The following BCAT1 variants were observed in gnomAD, a reference collection of about 807,000 sequenced individuals.
BCAT1 encodes branched chain amino acid transaminase 1.
In BCAT1, 48 loss-of-function variants were observed where a neutral mutation model predicts 52.4. The ratio of observed to expected loss-of-function variants is 0.92; its 90% CI spans 0.73 to 1.16. BCAT1 has a LOEUF of 1.16. Ranked by LOEUF, BCAT1 falls within the 50% of genes most tolerant of loss-of-function variation. The pLI is 0.00. For missense variants in BCAT1, 451 were observed against 457.1 expected (o/e 0.99, Z 0.12); for synonymous variants, 167 against 161.3 (o/e 1.04, Z -0.27).
rs978766768 is a variant in BCAT1, at chr12:24,813,809, C to G, written c.*4199G>C. 1 of 152,078 alleles carries G rather than the reference C, an allele frequency of 6.6e-6. No homozygotes were observed. The highest frequency in any genetic ancestry group is 1.5e-5 in the Non-Finnish European group (1 of 67,940). 9.4% of individuals were successfully genotyped at this position (152,078 alleles called of 1,614,324 possible). A position where few individuals can be genotyped will look rare whatever the true frequency, so the allele number is the denominator to read the frequency against. ...TTGATAAGAGATGTGTTCTGGCCTT[C>G]TTTGCTTATGATCTAACTATTCAGC... On this transcript the variant is annotated 3_prime_UTR_variant, in exon 11 of 11. Transcript: ENST00000261192.
At chr12:24,914,269 G>A (rs1370926652) in intron 1 of BCAT1, among the ~76,000 whole-genome samples, 1 of 151,986 alleles carries the variant, frequency 6.6e-6, no homozygotes, top group African/African-American at 2.4e-5. Flanking sequence ...TTTTGGTAGA[G>A]ACAGGGTTTC....
intron 1 of BCAT1, among the ~76,000 whole-genome samples, chr12:24,933,921 GGC>G (rs1943716036): frequency 6.6e-6 from 1 of 152,088 alleles, no homozygotes; most frequent in South Asian, 2.1e-4. Flanking sequence ...GCACTGGGAA[GGC>G]TGGTCACCCC....
At chr12:24,889,815 C>G (rs1160161606) in intron 3 of BCAT1, among the ~76,000 whole-genome samples, 1 of 152,156 alleles carries the variant, frequency 6.6e-6, no homozygotes, top group Non-Finnish European at 1.5e-5. Context: ...CATAGCAAGA[C>G]CCCATCTTAT....
chr12:24,881,178 G>C (rs1266497166), intron 4 of BCAT1, 123 bp downstream of exon 4: 2 of 708,052 alleles, frequency 2.8e-6, no homozygotes, highest in East Asian at 5.6e-5. Flanking sequence ...CAGAAATAAT[G>C]TTAATGTTCA....
chr12:24,827,043 C>T (rs576135664), intron 10 of BCAT1, among the ~76,000 whole-genome samples: 69 of 152,140 alleles, frequency 4.5e-4, no homozygotes, highest in Non-Finnish European at 7.8e-4. Context: ...TTGAGGGAGT[C>T]TTTAGGTTTT....
intron 1 of BCAT1, among the ~76,000 whole-genome samples, chr12:24,910,326 G>A (rs1214799471): frequency 4.0e-5 from 6 of 151,748 alleles, no homozygotes; most frequent in African/African-American, 9.7e-5. Context: ...GCAGTGAGCC[G>A]AGATCATGCC....
In BCAT1 at chr12:24,899,527, T is replaced by C. The variant is rs549576936; in HGVS notation, c.78+2287A>G. On this transcript the variant is annotated intron_variant, in intron 2 of 10. Coordinates refer to ENST00000261192, the MANE Select transcript of BCAT1 (RefSeq NM_005504.7). ...TGACCATATAAACCAACAATCCTAC[T>C]ACTGGGTATTTTCCAAAGGAAAGGA... Among the ~76,000 whole-genome samples the C allele has an allele frequency of 3.9e-5, 6 of 152,048 alleles. No homozygotes were observed. In the South Asian group the frequency reaches 1.0e-3, roughly 26 times the overall value.
chr12:24,853,527 A>G (rs1941577403), intron 5 of BCAT1, among the ~76,000 whole-genome samples: 1 of 152,210 alleles, frequency 6.6e-6, no homozygotes, highest in African/African-American at 2.4e-5. Context: ...AGATCCTTAG[A>G]AGCTAAAATC....
chr12:24,887,957 G>T (rs184975672), intron 3 of BCAT1, among the ~76,000 whole-genome samples: 203 of 152,282 alleles, frequency 1.3e-3, no homozygotes, highest in Non-Finnish European at 2.3e-3. Context: ...CAATAGGTCC[G>T]ATGAGTGAAG....
At chr12:24,935,831 A>C (rs1379983396) in intron 1 of BCAT1, among the ~76,000 whole-genome samples, 1 of 152,160 alleles carries the variant, frequency 6.6e-6, no homozygotes, top group Non-Finnish European at 1.5e-5. Flanking sequence ...TATGACAAGG[A>C]TCTTTTTCCT....
intron 2 of BCAT1, among the ~76,000 whole-genome samples, chr12:24,896,889 G>T (rs1942972802): frequency 6.6e-6 from 1 of 152,194 alleles, no homozygotes; most frequent in African/African-American, 2.4e-5. Context: ...ATAGTAAAGG[G>T]TTTCTTAAAT....
At chr12:24,925,420 G>C (rs777354413) in intron 1 of BCAT1, among the ~76,000 whole-genome samples, 2 of 151,966 alleles carry the variant, frequency 1.3e-5, no homozygotes, top group Admixed American at 6.6e-5. Context: ...TCTCTCTCTC[G>C]ATCTCTTGAT....
At chr12:24,846,704 T>G (rs1300386784) in intron 6 of BCAT1, among the ~76,000 whole-genome samples, 2 of 152,202 alleles carry the variant, frequency 1.3e-5, no homozygotes, top group African/African-American at 2.4e-5. Flanking sequence ...AATCTAAAAC[T>G]TTTTCGGTGC....
In BCAT1 at chr12:24,849,822, G is replaced by A. The variant is rs199960095; in HGVS notation, c.638C>T (p.Ala213Val). 28 of 1,612,710 alleles carry A rather than the reference G, an allele frequency of 1.7e-5. No homozygotes were observed. The highest frequency in any genetic ancestry group is 2.4e-5 in the Non-Finnish European group (28 of 1,179,152). ...GCAGTCCCCAGTTCCACCTTTCCAG[G>A]CTCTTACATACTTGGGATTGGCCCA... ...SLWANPKYVR[A>V]WKGGTGDCKM... Residue 213 changes from alanine to valine, a missense_variant, in exon 6 of 11, where the codon GCC becomes GTC. Coordinates refer to ENST00000261192, the MANE Select transcript of BCAT1 (RefSeq NM_005504.7).
chr12:24,903,286 C>G (rs1292423363), intron 1 of BCAT1: 1 of 408,816 alleles, frequency 2.4e-6, no homozygotes, highest in African/African-American at 2.1e-5. Context: ...CACGAACGAG[C>G]GCCTTTCCAA....
At chr12:24,846,662 G>A (rs191561771) in intron 6 of BCAT1, among the ~76,000 whole-genome samples, 1 of 152,282 alleles carries the variant, frequency 6.6e-6, no homozygotes, top group Admixed American at 6.5e-5. Context: ...ACAGGTTGAG[G>A]ATCCCTAATT....
At chr12:24,918,905 C>A (rs1174498454) in intron 1 of BCAT1, among the ~76,000 whole-genome samples, 2 of 152,138 alleles carry the variant, frequency 1.3e-5, no homozygotes, top group African/African-American at 4.8e-5. Flanking sequence ...TTGATTATTA[C>A]CCTGCTTGTT....
At position 24,878,665 on chromosome 12, in the gene BCAT1, A is replaced by C; in HGVS notation, c.391-16T>G. The C allele has an allele frequency of 6.3e-7, 1 of 1,591,298 alleles. No individual in the cohort carries two copies. The highest frequency in any genetic ancestry group is 2.2e-5 in the East Asian group (1 of 44,598). ...TGTCAAATACCTGAAAGAATGAAAA[A>C]CATAATAAATGACAGAATTTTCTCA... is the stretch of plus-strand genomic sequence containing the variant. On this transcript the variant is annotated splice_polypyrimidine_tract_variant and intron_variant, in intron 4 of 10. Transcript: ENST00000261192.
At chr12:24,928,332 A>T (rs1297294030) in intron 1 of BCAT1, among the ~76,000 whole-genome samples, 1 of 152,078 alleles carries the variant, frequency 6.6e-6, no homozygotes, top group African/African-American at 2.4e-5. Context: ...CCTAACTCAC[A>T]CCAGTTGGCA....
Sources: gnomAD v4.1 joint callset for allele counts (sites outside exome capture counted in the v4.1 genomes callset) on GRCh38, gnomAD v4.1.1 for gene constraint, MANE v1.5 for transcripts, NCBI Gene and HGNC (gene_info 2026-07-23, HGNC 2026-07-21) for gene names.